XKR9: variants seen among roughly 807,000 people sequenced by gnomAD.
XKR9 encodes the protein XK related 9.
XKR9 carries 32 observed loss-of-function variants against 32.0 expected under a neutral mutation model. The ratio of observed to expected loss-of-function variants is 1.00; its 90% CI spans 0.76 to 1.34. The LOEUF (loss-of-function observed/expected upper bound fraction) is 1.34. Among genes scored for constraint, XKR9 ranks in the 40% most tolerant of loss-of-function variants. The pLI, the probability that XKR9 is intolerant of heterozygous loss-of-function variation, is 0.00. For synonymous variants in XKR9, 168 were observed against 143.4 expected (o/e 1.17, Z -1.22); for missense variants, 546 against 429.7 (o/e 1.27, Z -2.39).
At chr8:70,866,600 A>AT in the XKR9 span, among the ~76,000 whole-genome samples, 1 of 151,906 alleles carries the variant, frequency 6.6e-6, no homozygotes, top group East Asian at 1.9e-4. Flanking sequence ...GAACTAATGG[A>AT]ATTTTTTTTT....
the XKR9 span, among the ~76,000 whole-genome samples, chr8:70,813,394 G>A: frequency 6.6e-6 from 1 of 152,148 alleles, no homozygotes; most frequent in Non-Finnish European, 1.5e-5. Flanking sequence ...AGGTCTTCAT[G>A]AATAAAACAC....
the XKR9 span, among the ~76,000 whole-genome samples, chr8:71,009,900 T>C: frequency 6.6e-6 from 1 of 152,200 alleles, no homozygotes; most frequent in Admixed American, 6.5e-5. Flanking sequence ...TTCCTCAAAA[T>C]TGTAGATTTT....
chr8:70,827,759 T>G, the XKR9 span, among the ~76,000 whole-genome samples: 1 of 152,172 alleles, frequency 6.6e-6, no homozygotes, highest in Admixed American at 6.5e-5. Context: ...ATGTATTTAT[T>G]GGGGAAAAAA....
intron 2 of XKR9, among the ~76,000 whole-genome samples, chr8:70,781,511 CA>C (rs1352497940): frequency 6.8e-6 from 1 of 147,840 alleles, no homozygotes; most frequent in Non-Finnish European, 1.5e-5. Context: ...TCCATTAACT[CA>C]AACATTTATT....
intron 4 of XKR9, among the ~76,000 whole-genome samples, chr8:70,728,659 A>G (rs556093461): frequency 6.6e-6 from 1 of 152,328 alleles, no homozygotes; most frequent in South Asian, 2.1e-4. Flanking sequence ...CAGGTGTACT[A>G]TAGTATTTTC....
At chr8:70,769,979 T>C (rs1807432033) in intron 2 of XKR9, among the ~76,000 whole-genome samples, 1 of 152,144 alleles carries the variant, frequency 6.6e-6, no homozygotes, top group Non-Finnish European at 1.5e-5. Context: ...TTGTGTTCCC[T>C]TGCTGGCGAG....
At chr8:70,786,344 G>T (rs138625846) in intron 2 of XKR9, among the ~76,000 whole-genome samples, 34 of 152,086 alleles carry the variant, frequency 2.2e-4, no homozygotes, top group African/African-American at 8.2e-4. Flanking sequence ...TTTCTGTATG[G>T]ATGATCTATT....
At chr8:70,833,931 A>G in the XKR9 span, among the ~76,000 whole-genome samples, 6 of 152,214 alleles carry the variant, frequency 3.9e-5, no homozygotes, top group South Asian at 1.2e-3. Context: ...TTTAAGTGAA[A>G]TAAAAAATTT....
chr8:71,025,265 G>A, the XKR9 span, among the ~76,000 whole-genome samples: 1 of 152,150 alleles, frequency 6.6e-6, no homozygotes, highest in Non-Finnish European at 1.5e-5. Flanking sequence ...AGATAGATAA[G>A]AGCTATAGAA....
intron 2 of XKR9, among the ~76,000 whole-genome samples, chr8:70,744,759 C>CTTAATTAATTTTAT (rs1171952763): frequency 8.4e-5 from 11 of 131,120 alleles, no homozygotes; most frequent in Non-Finnish European, 1.2e-4. Flanking sequence ...GTGTGCACCA[C>CTTAATTAATTTTAT]CACGCCTGGC....
At chr8:70,996,207 C>T in the XKR9 span, among the ~76,000 whole-genome samples, 1 of 152,138 alleles carries the variant, frequency 6.6e-6, no homozygotes, top group Non-Finnish European at 1.5e-5. Flanking sequence ...ATGTATTAGT[C>T]AGGCAAATAC....
chr8:70,836,443 A>G, the XKR9 span, among the ~76,000 whole-genome samples: 1 of 151,922 alleles, frequency 6.6e-6, no homozygotes, highest in Admixed American at 6.6e-5. Flanking sequence ...CACTATGTAC[A>G]TTTTGTGTCT....
rs371263868 is a variant in XKR9, at chr8:70,781,550, C to CAA, written n.353-7776_353-7775dup. Reference sequence around the variant, plus strand: ...TTTTCTATGAGTGAGACCCCATCTCCAAAAAAAAAAAAAAGAGTTCCCTTT... The same window carrying CAA: ...TTTTCTATGAGTGAGACCCCATCTCCAAAAAAAAAAAAAAAAGAGTTCCCTTT... On this transcript the variant is annotated intron_variant and non_coding_transcript_variant, in intron 2 of 3. Coordinates refer to the XKR9 transcript ENST00000520273. Among the ~76,000 whole-genome samples, 328 of 137,070 alleles carry CAA rather than the reference C, an allele frequency of 2.4e-3. 1 individual carries two copies. The highest frequency in any genetic ancestry group is 0.011 in the Middle Eastern group (3 of 268). 89.9% of individuals were successfully genotyped at this position (137,070 alleles called of 152,430 possible).
chr8:70,708,511 C>T (rs531345527), intron 4 of XKR9, among the ~76,000 whole-genome samples: 90 of 152,008 alleles, frequency 5.9e-4, no homozygotes, highest in Middle Eastern at 3.4e-3. Flanking sequence ...ATTATGTAGC[C>T]ACTAGAGTGT....
intron 4 of XKR9, among the ~76,000 whole-genome samples, chr8:70,710,798 A>G (rs1481435459): frequency 1.3e-5 from 2 of 152,170 alleles, no homozygotes; most frequent in Non-Finnish European, 2.9e-5. Flanking sequence ...TAATTAAACT[A>G]AAGAGCTTCT....
chr8:70,884,705 G>A, the XKR9 span, among the ~76,000 whole-genome samples: 1 of 151,932 alleles, frequency 6.6e-6, no homozygotes, highest in Non-Finnish European at 1.5e-5. Context: ...TATTTGTGTG[G>A]GTCTGTTTCT....
the XKR9 span, among the ~76,000 whole-genome samples, chr8:71,032,300 A>AAAAAC: frequency 6.7e-6 from 1 of 148,934 alleles, no homozygotes; most frequent in Non-Finnish European, 1.5e-5. Context: ...AAAAAAAAAA[A>AAAAAC]AAAAAAAACC....
chr8:70,704,647 C>G (rs2132171299), intron 3 of XKR9, among the ~76,000 whole-genome samples: 1 of 152,252 alleles, frequency 6.6e-6, no homozygotes, highest in Admixed American at 6.5e-5. Flanking sequence ...TCTGCTACCT[C>G]TCTCAATTTC....
chr8:70,810,448 T>G, the XKR9 span, among the ~76,000 whole-genome samples: 74 of 152,254 alleles, frequency 4.9e-4, no homozygotes, highest in South Asian at 3.1e-3. Flanking sequence ...CAACATTAAC[T>G]TTAAATGTAA....
Sources: allele counts gnomAD v4.1 joint callset (sites outside exome capture counted in the v4.1 genomes callset), GRCh38; gene constraint gnomAD v4.1.1; transcripts MANE v1.5; gene names NCBI Gene and HGNC (gene_info 2026-07-23, HGNC 2026-07-21).